Variants in PREX1 observed in about 807,000 individuals in gnomAD.
The protein encoded by PREX1 is phosphatidylinositol 3,4,5-trisphosphate-dependent Rac exchanger 1 protein.
A neutral mutation model predicts 198.3 loss-of-function variants in PREX1; 41 were observed. That is an observed-to-expected ratio of 0.21 (90% CI 0.16 to 0.27). The LOEUF (loss-of-function observed/expected upper bound fraction) is 0.27, where lower values mean the gene tolerates loss of function less well. PREX1 is among the 10% of genes least tolerant of loss of function. PREX1 has a pLI of 1.00. For synonymous variants in PREX1, 843 were observed against 887.2 expected (o/e 0.95, Z 0.89); for missense variants, 1,620 against 2,200.7 (o/e 0.74, Z 5.28).
chr20:48,689,130 C>T (rs1601078139), intron 9 of PREX1, among the ~76,000 whole-genome samples: 1 of 152,330 alleles, frequency 6.6e-6, no homozygotes, highest in Admixed American at 6.5e-5. Flanking sequence ...CCTATGCTGC[C>T]TCCCCAACCT....
chr20:48,735,474 C>G (rs982582960), intron 3 of PREX1, among the ~76,000 whole-genome samples: 2 of 152,140 alleles, frequency 1.3e-5, no homozygotes, highest in African/African-American at 4.8e-5. Context: ...TTAGAATTAA[C>G]AGGCATCCCC....
chr20:48,771,898 A>T (rs2090237748), intron 1 of PREX1, among the ~76,000 whole-genome samples: 1 of 152,140 alleles, frequency 6.6e-6, no homozygotes, highest in Non-Finnish European at 1.5e-5. Context: ...TTTCCTCTAA[A>T]AATGATGTGT....
intron 1 of PREX1, among the ~76,000 whole-genome samples, chr20:48,797,074 A>C (rs1218251593): frequency 6.6e-6 from 1 of 152,026 alleles, no homozygotes; most frequent in African/African-American, 2.4e-5. Flanking sequence ...TGCATACAAG[A>C]TATACCTAAA....
chr20:48,673,428 T>C (rs896917847), intron 14 of PREX1, among the ~76,000 whole-genome samples: 1 of 152,182 alleles, frequency 6.6e-6, no homozygotes, highest in African/African-American at 2.4e-5. Context: ...CACCCTGAGT[T>C]AGGCATGGGA....
chr20:48,868,803 T>C, the PREX1 span, among the ~76,000 whole-genome samples: 1 of 152,218 alleles, frequency 6.6e-6, no homozygotes, highest in Admixed American at 6.5e-5. Context: ...CCATTTTACA[T>C]AAAAGAGAGC....
chr20:48,681,164 G>A (rs2089746838), intron 11 of PREX1, 71 bp downstream of exon 11: 8 of 1,315,594 alleles, frequency 6.1e-6, no homozygotes, highest in South Asian at 1.2e-5. Flanking sequence ...CTGAGCTAGT[G>A]GAAGCATGGC....
the PREX1 span, among the ~76,000 whole-genome samples, chr20:48,878,634 G>C: frequency 0.1 from 15,371 of 152,168 alleles, 888 homozygotes; most frequent in Middle Eastern, 0.16. Flanking sequence ...CACCGCGCCC[G>C]GCCACATTCC....
At chr20:48,721,317 G>A (rs1415203473) in intron 5 of PREX1, among the ~76,000 whole-genome samples, 1 of 152,204 alleles carries the variant, frequency 6.6e-6, no homozygotes, top group Non-Finnish European at 1.5e-5. Flanking sequence ...GTGCTATGAA[G>A]AAAAATAAAA....
At chr20:48,705,862 A>G (rs181581804) in intron 6 of PREX1, among the ~76,000 whole-genome samples, 1 of 152,356 alleles carries the variant, frequency 6.6e-6, no homozygotes, top group East Asian at 1.9e-4. Flanking sequence ...AACAAATAGG[A>G]GAAAATAAGG....
Position 48,639,760 on chromosome 20 carries a change from A to C in PREX1, c.3904+6T>G, listed in dbSNP as rs2089393902. ...CCACCATGATGCACCCTCCCTGCCCACCGACCTTCCACATATCTCTGAATG... is the reference window on the plus strand; with the variant it reads ...CCACCATGATGCACCCTCCCTGCCCCCCGACCTTCCACATATCTCTGAATG... On this transcript the variant is annotated splice_donor_region_variant and intron_variant, in intron 30 of 39. Transcript: ENST00000371941. The C allele has an allele frequency of 1.2e-6, 2 of 1,613,558 alleles. No homozygotes were observed. The highest frequency in any genetic ancestry group is 1.3e-5 in the African/African-American group (1 of 74,876).
Position 48,791,256 on chromosome 20 carries a change from A to G in PREX1, c.219+36386T>C, listed in dbSNP as rs138248099. 2.0e-4 allele frequency among the ~76,000 whole-genome samples: 31 copies of G among 152,318 alleles called. No homozygotes were observed. In the East Asian group the frequency reaches 5.0e-3, roughly 25 times the overall value. On this transcript the variant is annotated intron_variant, in intron 1 of 39. Coordinates refer to ENST00000371941, the MANE Select transcript of PREX1 (RefSeq NM_020820.4). Reference sequence around the variant, plus strand: ...TCGCGCTGCTGCTGCCAGATGGCAGAGCCTGGCATTGCTGTGTCTGCACGT... The same window carrying G: ...TCGCGCTGCTGCTGCCAGATGGCAGGGCCTGGCATTGCTGTGTCTGCACGT...
upstream of PREX1, among the ~76,000 whole-genome samples, chr20:48,830,096 G>C (rs1485155431): frequency 6.6e-6 from 1 of 152,176 alleles, no homozygotes; most frequent in East Asian, 1.9e-4. Flanking sequence ...GGGCACAGTG[G>C]CTCCGGCCTC....
chr20:48,764,588 G>A (rs2090199291), intron 1 of PREX1, among the ~76,000 whole-genome samples: 1 of 152,064 alleles, frequency 6.6e-6, no homozygotes, highest in Non-Finnish European at 1.5e-5. Context: ...TTTGAGACCA[G>A]CCTGGCCAAC....
chr20:48,657,308 G>A (rs1330144832), intron 17 of PREX1, 120 bp from the exon 18 acceptor site: 16 of 1,216,274 alleles, frequency 1.3e-5, no homozygotes, highest in Non-Finnish European at 1.7e-5. Context: ...CAGCAGGACT[G>A]GGTGACTGCG....
At chr20:48,838,932 A>G in the PREX1 span, among the ~76,000 whole-genome samples, 16 of 141,586 alleles carry the variant, frequency 1.1e-4, no homozygotes, top group Non-Finnish European at 2.0e-4. Context: ...AGGCTGAGGC[A>G]TGAGAATTGC....
At chr20:48,631,486 GATGA>G (rs2089314101) in intron 35 of PREX1, among the ~76,000 whole-genome samples, 2 of 152,202 alleles carry the variant, frequency 1.3e-5, no homozygotes, top group South Asian at 4.1e-4. Context: ...TGAATGAAGG[GATGA>G]ATGAATCATC....
At chr20:48,650,771 T>C in intron 23 of PREX1, 123 bp downstream of exon 23, 2 of 1,262,180 alleles carry the variant, frequency 1.6e-6, no homozygotes, top group Non-Finnish European at 2.2e-6. Flanking sequence ...ATACACACCA[T>C]ACATTCTCCT....
At chr20:48,873,688 C>G in the PREX1 span, among the ~76,000 whole-genome samples, 1 of 151,662 alleles carries the variant, frequency 6.6e-6, no homozygotes, top group South Asian at 2.1e-4. Flanking sequence ...CCACTTCACT[C>G]TAGCCTGGAT....
intron 18 of PREX1, chr20:48,656,521 GAC>G (rs2089544739): frequency 2.2e-6 from 1 of 456,768 alleles, no homozygotes; most frequent in Non-Finnish European, 4.4e-6. Context: ...CAATGCGCCA[GAC>G]ACGGTCCCAC....
Sources: gnomAD v4.1 joint callset for allele counts (sites outside exome capture counted in the v4.1 genomes callset) on GRCh38, gnomAD v4.1.1 for gene constraint, MANE v1.5 for transcripts, NCBI Gene and HGNC (gene_info 2026-07-23, HGNC 2026-07-21) for gene names.